Variants in ULK4 observed in about 807,000 individuals in gnomAD.
The protein encoded by ULK4 is inactive serine/threonine-protein kinase ULK4.
In ULK4, 133 loss-of-function variants were observed where a neutral mutation model predicts 160.6. The ratio of observed to expected loss-of-function variants is 0.83; its 90% CI spans 0.72 to 0.96. ULK4 has a LOEUF of 0.96. Among genes scored for constraint, ULK4 ranks in the 40% least tolerant of loss-of-function variants. The pLI, the probability that ULK4 is intolerant of heterozygous loss-of-function variation, is 0.00. For missense variants in ULK4, 1,580 were observed against 1,499.5 expected (o/e 1.05, Z -0.89); for synonymous variants, 534 against 539.8 (o/e 0.99, Z 0.15).
chr3:41,559,561 T>C (rs1332851667), intron 32 of ULK4, among the ~76,000 whole-genome samples: 2 of 151,560 alleles, frequency 1.3e-5, no homozygotes, highest in African/African-American at 2.4e-5. Context: ...TTTTAATGAT[T>C]GCCATTCTAA....
At chr3:41,309,764 G>A (rs2080014173) in intron 35 of ULK4, among the ~76,000 whole-genome samples, 1 of 151,898 alleles carries the variant, frequency 6.6e-6, no homozygotes, top group Admixed American at 6.6e-5. Flanking sequence ...AACCCTTCAT[G>A]AAAAAAATTA....
intron 32 of ULK4, among the ~76,000 whole-genome samples, chr3:41,545,579 G>T (rs953648791): frequency 1.3e-5 from 2 of 152,124 alleles, no homozygotes; most frequent in Non-Finnish European, 2.9e-5. Flanking sequence ...ATTTTTAGGA[G>T]TTTGACTATC....
At chr3:41,303,486 T>C (rs1037659029) in intron 35 of ULK4, among the ~76,000 whole-genome samples, 5 of 152,236 alleles carry the variant, frequency 3.3e-5, no homozygotes, top group Admixed American at 6.5e-5. Flanking sequence ...TGCAGCTGTC[T>C]CTGCGAATTC....
chr3:41,550,630 A>C (rs1271230440), intron 32 of ULK4, among the ~76,000 whole-genome samples: 1 of 152,058 alleles, frequency 6.6e-6, no homozygotes, highest in Admixed American at 6.6e-5. Flanking sequence ...CACAGAACCC[A>C]GGTATATAAA....
chr3:41,510,538 C>A (rs965814401), intron 32 of ULK4, among the ~76,000 whole-genome samples: 1 of 152,154 alleles, frequency 6.6e-6, no homozygotes, highest in Admixed American at 6.5e-5. Context: ...ACATTCTATT[C>A]ATCAGTACAT....
chr3:41,709,832 A>T (rs6794211), intron 25 of ULK4, among the ~76,000 whole-genome samples: 44,980 of 151,934 alleles, frequency 0.3, 9,254 homozygotes, highest in African/African-American at 0.59. Context: ...AGATCTTTTG[A>T]CTTAAACACA....
chr3:41,849,835 T>C (rs1465183786), intron 17 of ULK4, among the ~76,000 whole-genome samples: 2 of 152,208 alleles, frequency 1.3e-5, no homozygotes, highest in African/African-American at 2.4e-5. Context: ...TATTATACTT[T>C]AAGCTCTAGG....
intron 8 of ULK4, chr3:41,915,236 G>A (rs1358451533): frequency 6.6e-6 from 1 of 152,118 alleles, no homozygotes; most frequent in African/African-American, 2.4e-5. Context: ...AAGGATGTTT[G>A]TCCTACAGCT....
chr3:41,530,842 C>A (rs1248937920), intron 32 of ULK4, among the ~76,000 whole-genome samples: 1 of 152,034 alleles, frequency 6.6e-6, no homozygotes, highest in Non-Finnish European at 1.5e-5. Context: ...CGGCTCACTG[C>A]AACCTCCACC....
intron 27 of ULK4, among the ~76,000 whole-genome samples, chr3:41,695,653 G>A (rs767249531): frequency 4.6e-5 from 7 of 151,994 alleles, no homozygotes; most frequent in East Asian, 1.9e-4. Flanking sequence ...AATGATGCCC[G>A]CCCAAAGATG....
At chr3:41,599,009 C>A (rs2031879794) in intron 31 of ULK4, among the ~76,000 whole-genome samples, 1 of 152,208 alleles carries the variant, frequency 6.6e-6, no homozygotes, top group Non-Finnish European at 1.5e-5. Context: ...GCCTGCATTC[C>A]TTTGCCTGTG....
chr3:41,898,674 T>C (rs1157888328), intron 13 of ULK4, among the ~76,000 whole-genome samples, 182 bp from the exon 14 acceptor site: 1 of 152,224 alleles, frequency 6.6e-6, no homozygotes, highest in Non-Finnish European at 1.5e-5. Context: ...TAGATAATAT[T>C]TTTTATAATC....
intron 21 of ULK4, among the ~76,000 whole-genome samples, chr3:41,774,426 A>C (rs1205849475): frequency 6.6e-6 from 1 of 150,764 alleles, no homozygotes; most frequent in Non-Finnish European, 1.5e-5. Flanking sequence ...ATGAACAGAC[A>C]CTTCTCAAAA....
intron 34 of ULK4, among the ~76,000 whole-genome samples, chr3:41,400,722 ATATT>A (rs1377779020): frequency 1.3e-5 from 2 of 152,180 alleles, no homozygotes; most frequent in Non-Finnish European, 2.9e-5. Context: ...TGGGAGACTC[ATATT>A]TAGTTTTTTA....
At chr3:41,505,171 C>T (rs755248339) in intron 32 of ULK4, among the ~76,000 whole-genome samples, 7 of 152,092 alleles carry the variant, frequency 4.6e-5, no homozygotes, top group South Asian at 2.1e-4. Context: ...ACAGAAAAAG[C>T]GTACATAAGT....
At chr3:41,699,594 G>A (rs907896385) in intron 27 of ULK4, among the ~76,000 whole-genome samples, 1 of 152,148 alleles carries the variant, frequency 6.6e-6, no homozygotes, top group African/African-American at 2.4e-5. Context: ...GGAGCTAAAT[G>A]GTCTAAAACT....
chr3:41,405,873 C>T (rs953370607), intron 34 of ULK4, among the ~76,000 whole-genome samples: 2 of 151,394 alleles, frequency 1.3e-5, no homozygotes, highest in Admixed American at 6.6e-5. Flanking sequence ...TTTACAGATT[C>T]TGGATATTAG....
intron 35 of ULK4, among the ~76,000 whole-genome samples, chr3:41,382,985 T>A (rs2081703271): frequency 6.6e-6 from 1 of 152,068 alleles, no homozygotes; most frequent in East Asian, 1.9e-4. Context: ...TTAAATTATT[T>A]AAAAAACAAA....
chr3:41,518,974 T>C (rs1051509311), intron 32 of ULK4, among the ~76,000 whole-genome samples: 1 of 152,200 alleles, frequency 6.6e-6, no homozygotes, highest in African/African-American at 2.4e-5. Flanking sequence ...TTCACAAACA[T>C]TGGCAAATGT....
Sources: gnomAD v4.1 joint callset for allele counts (sites outside exome capture counted in the v4.1 genomes callset) on GRCh38, gnomAD v4.1.1 for gene constraint, MANE v1.5 for transcripts, NCBI Gene and HGNC (gene_info 2026-07-23, HGNC 2026-07-21) for gene names.